Variants in BTC observed in about 807,000 individuals in gnomAD.
BTC encodes the protein probetacellulin.
BTC carries 13 observed loss-of-function variants against 18.1 expected under a neutral mutation model. That is an observed-to-expected ratio of 0.72 (90% CI 0.47 to 1.14). BTC has a LOEUF of 1.14. Ranked by LOEUF, BTC falls within the 50% of genes most tolerant of loss-of-function variation. The pLI is 0.00. For missense variants in BTC, 247 were observed against 224.2 expected (o/e 1.10, Z -0.65); for synonymous variants, 83 against 79.4 (o/e 1.05, Z -0.24).
intron 3 of BTC, among the ~76,000 whole-genome samples, chr4:74,754,171 C>T (rs147467129): frequency 6.6e-6 from 1 of 152,166 alleles, no homozygotes; most frequent in African/African-American, 2.4e-5. Flanking sequence ...GTGTATTATT[C>T]CTCTACTAAG....
At chr4:74,792,662 C>G (rs933457076) in intron 1 of BTC, among the ~76,000 whole-genome samples, 1 of 152,268 alleles carries the variant, frequency 6.6e-6, no homozygotes, top group African/African-American at 2.4e-5. Context: ...AGAAATTCTA[C>G]TCTTTCCAGT....
At chr4:74,770,204 T>C in intron 1 of BTC, 48 bp from the exon 2 acceptor site, 1 of 1,441,770 alleles carries the variant, frequency 6.9e-7, no homozygotes, top group Non-Finnish European at 9.6e-7. Context: ...ATTTGCTTAT[T>C]GTGAAACAGT....
Position 74,794,262 on chromosome 4 carries a change from C to T in BTC, c.64G>A (p.Gly22Ser). Residue 22 changes from glycine (G) to serine (S), a missense_variant and splice_region_variant, in exon 1 of 6, where the codon GGT becomes AGT. Coordinates refer to ENST00000395743, the MANE Select transcript of BTC (RefSeq NM_001729.4). ...SLPLLLALAL[G>S]LVILHCVVAD... The stretch of plus-strand genomic sequence containing the variant: ...TCCAGTGCCCAGCACGGCCACTTAC[C>T]CAGGGCAAGGGCCAGGAGCAGTGGC... The T allele has an allele frequency of 4.5e-6, 7 of 1,550,282 alleles. No homozygotes were observed. Among genetic ancestry groups the T allele is most frequent in the East Asian group, 2.4e-5 (1 of 40,872 alleles).
intron 1 of BTC, among the ~76,000 whole-genome samples, chr4:74,773,105 G>A (rs1425305158): frequency 6.6e-6 from 1 of 152,202 alleles, no homozygotes; most frequent in African/African-American, 2.4e-5. Flanking sequence ...GCAACCTACA[G>A]GTCACAGGTT....
intron 1 of BTC, among the ~76,000 whole-genome samples, chr4:74,785,275 C>T (rs1249212626): frequency 6.6e-6 from 1 of 152,062 alleles, no homozygotes; most frequent in African/African-American, 2.4e-5. Flanking sequence ...GTGATATCCC[C>T]CTTATCATTT....
At chr4:74,765,331 A>C (rs1724872757) in intron 2 of BTC, among the ~76,000 whole-genome samples, 1 of 152,126 alleles carries the variant, frequency 6.6e-6, no homozygotes, top group Non-Finnish European at 1.5e-5. Context: ...ATAATTCAGT[A>C]ACTAAGCTGG....
At chr4:74,779,111 ACTC>A (rs755496624) in intron 1 of BTC, among the ~76,000 whole-genome samples, 12 of 142,812 alleles carry the variant, frequency 8.4e-5, no homozygotes, top group Non-Finnish European at 1.0e-4. Context: ...TAAAATATGA[ACTC>A]CTTCTTCCTC....
chr4:74,779,090 A>G (rs1577965948), intron 1 of BTC, among the ~76,000 whole-genome samples: 1 of 149,416 alleles, frequency 6.7e-6, no homozygotes, highest in East Asian at 1.9e-4. Flanking sequence ...GTTCATTCAA[A>G]TTCAGAAAAA....
chr4:74,747,966 G>T, intron 5 of BTC, 74 bp downstream of exon 5: 2 of 657,882 alleles, frequency 3.0e-6, no homozygotes, highest in Non-Finnish European at 5.0e-6. Context: ...TGATTTAGTA[G>T]ATGCAAGTAA....
intron 1 of BTC, among the ~76,000 whole-genome samples, chr4:74,793,689 T>A (rs1725691309): frequency 6.6e-6 from 1 of 152,124 alleles, no homozygotes; most frequent in African/African-American, 2.4e-5. Flanking sequence ...TTCTGACTCC[T>A]AAGGAGGCAG....
intron 2 of BTC, among the ~76,000 whole-genome samples, chr4:74,767,025 C>A (rs1724918429): frequency 6.6e-6 from 1 of 151,946 alleles, no homozygotes; most frequent in Admixed American, 6.6e-5. Context: ...GACAAGAATG[C>A]CCAGTCTAAC....
At chr4:74,753,259 A>G (rs921754477) in intron 3 of BTC, among the ~76,000 whole-genome samples, 3 of 152,234 alleles carry the variant, frequency 2.0e-5, no homozygotes, top group African/African-American at 7.2e-5. Context: ...CTATTCTGAA[A>G]TAACCACCAG....
chr4:74,760,135 C>T (rs1724710583), intron 2 of BTC, among the ~76,000 whole-genome samples: 1 of 152,180 alleles, frequency 6.6e-6, no homozygotes. Flanking sequence ...GAAGTCAACT[C>T]AAAGGGCAAT....
intron 1 of BTC, among the ~76,000 whole-genome samples, chr4:74,775,192 A>G (rs1725145426): frequency 6.6e-6 from 1 of 152,166 alleles, no homozygotes; most frequent in South Asian, 2.1e-4. Flanking sequence ...AGCAAAGCCA[A>G]GCTGCAGGTT....
rs1725691575 is a variant in BTC, at chr4:74,793,697, C to T, written c.64+565G>A. 3.3e-5 allele frequency among the ~76,000 whole-genome samples: 5 copies of T among 152,244 alleles called. No homozygotes were observed. The South Asian group carries it at 1.0e-3, about 32-fold the overall frequency. Reference sequence around the variant, plus strand: ...TTGTGAGTTCTGACTCCTAAGGAGGCAGGAGAGACCCTCTGGAGGGCTCTA... The same window carrying T: ...TTGTGAGTTCTGACTCCTAAGGAGGTAGGAGAGACCCTCTGGAGGGCTCTA... On this transcript the variant is annotated intron_variant, in intron 1 of 5. Transcript: ENST00000395743.
At chr4:74,767,158 A>G (rs1203594351) in intron 2 of BTC, among the ~76,000 whole-genome samples, 1 of 149,584 alleles carries the variant, frequency 6.7e-6, no homozygotes, top group Non-Finnish European at 1.5e-5. Context: ...ACATGATCCT[A>G]TACATAAAAA....
At chr4:74,767,957 G>T (rs1218666122) in intron 2 of BTC, among the ~76,000 whole-genome samples, 1 of 152,074 alleles carries the variant, frequency 6.6e-6, no homozygotes, top group Non-Finnish European at 1.5e-5. Flanking sequence ...AACACTTCTT[G>T]ACATTGGTTT....
intron 1 of BTC, among the ~76,000 whole-genome samples, chr4:74,791,211 G>A (rs112074927): frequency 0.17 from 25,496 of 152,030 alleles, 3,369 homozygotes; most frequent in African/African-American, 0.37. Flanking sequence ...GCGTGGTGGC[G>A]AGTGCCTGTT....
intron 1 of BTC, among the ~76,000 whole-genome samples, chr4:74,779,430 T>A (rs1026378690): frequency 6.6e-6 from 1 of 152,174 alleles, no homozygotes; most frequent in South Asian, 2.1e-4. Flanking sequence ...TGAAGCTAGT[T>A]TCTCAGAAAT....
Sources: gnomAD v4.1 joint callset for allele counts (sites outside exome capture counted in the v4.1 genomes callset) on GRCh38, gnomAD v4.1.1 for gene constraint, MANE v1.5 for transcripts, NCBI Gene and HGNC (gene_info 2026-07-23, HGNC 2026-07-21) for gene names.